METTL22: variants seen among roughly 807,000 people sequenced by gnomAD.
The protein encoded by METTL22 is methyltransferase-like protein 22.
A neutral mutation model predicts 48.4 loss-of-function variants in METTL22; 51 were observed. That is an observed-to-expected ratio of 1.05 (90% CI 0.84 to 1.33). The LOEUF is 1.33. Among genes scored for constraint, METTL22 ranks in the 40% most tolerant of loss-of-function variants. The pLI, the probability that METTL22 is intolerant of heterozygous loss-of-function variation, is 0.00. For missense variants in METTL22, 678 were observed against 526.9 expected (o/e 1.29, Z -2.81); for synonymous variants, 255 against 214.1 (o/e 1.19, Z -1.67).
chr16:8,653,151 G>A (rs750360058), downstream of METTL22, among the ~76,000 whole-genome samples: 1 of 152,238 alleles, frequency 6.6e-6, no homozygotes, highest in Non-Finnish European at 1.5e-5. Context: ...TTACATGGCA[G>A]TGTGGTACAG....
At chr16:8,624,219 A>T (rs2055961497) in intron 1 of METTL22, 1 of 152,104 alleles carries the variant, frequency 6.6e-6, no homozygotes, top group Non-Finnish European at 1.5e-5. Flanking sequence ...GGTTGGAGGG[A>T]GGTCCCACCT....
At chr16:8,630,846 G>T (rs542820024) in intron 3 of METTL22, among the ~76,000 whole-genome samples, 1 of 152,200 alleles carries the variant, frequency 6.6e-6, no homozygotes, top group African/African-American at 2.4e-5. Context: ...GGTAGCTAAT[G>T]CATGAACCTA....
the METTL22 span, among the ~76,000 whole-genome samples, chr16:8,663,162 C>T: frequency 1.4e-5 from 2 of 146,542 alleles, no homozygotes; most frequent in African/African-American, 2.5e-5. Context: ...GCCAAGATTG[C>T]ACCACTGCAC....
At chr16:8,651,852 C>T (rs763340269), downstream of METTL22, among the ~76,000 whole-genome samples, 4 of 151,914 alleles carry the variant, frequency 2.6e-5, no homozygotes, top group Admixed American at 6.6e-5. Flanking sequence ...CATCACACAC[C>T]GGGGCCTTTT....
chr16:8,632,653 C>G (rs544562041), intron 3 of METTL22, among the ~76,000 whole-genome samples: 1 of 152,342 alleles, frequency 6.6e-6, no homozygotes, highest in South Asian at 2.1e-4. Context: ...TCTGCCGAGC[C>G]TGTGCTCTCT....
chr16:8,629,258 C>A, intron 3 of METTL22, 148 bp downstream of exon 3: 1 of 1,030,954 alleles, frequency 9.7e-7, no homozygotes, highest in South Asian at 1.5e-5. Context: ...GGGAAGCTCT[C>A]CACAACCCCG....
chr16:8,645,570 G>T (rs537963042), intron 10 of METTL22, among the ~76,000 whole-genome samples: 1 of 152,064 alleles, frequency 6.6e-6, no homozygotes, highest in Admixed American at 6.5e-5. Flanking sequence ...GAAGCTAGGA[G>T]TTCGAGACCA....
chr16:8,624,551 A>C (rs192832776), intron 1 of METTL22, among the ~76,000 whole-genome samples: 2 of 151,072 alleles, frequency 1.3e-5, no homozygotes, highest in South Asian at 2.1e-4. Context: ...GCCTAATTCC[A>C]CTCATCTTTT....
chr16:8,631,955 G>C (rs2056277532), intron 3 of METTL22: 1 of 152,258 alleles, frequency 6.6e-6, no homozygotes, highest in Non-Finnish European at 1.5e-5. Flanking sequence ...ACCGCGCCCG[G>C]CCCAGGGCTG....
intron 2 of METTL22, among the ~76,000 whole-genome samples, chr16:8,626,515 C>T (rs1200464047): frequency 6.7e-6 from 1 of 150,366 alleles, no homozygotes; most frequent in Non-Finnish European, 1.5e-5. Context: ...GTGGCGCGAC[C>T]TCGGCTCACT....
chr16:8,637,540 C>T (rs2056459974), intron 5 of METTL22, among the ~76,000 whole-genome samples: 1 of 152,354 alleles, frequency 6.6e-6, no homozygotes, highest in Admixed American at 6.5e-5. Flanking sequence ...CTGGGCAGAG[C>T]CCAGGGTTCC....
Position 8,628,956 on chromosome 16 carries a change from G to T in METTL22, c.360G>T (p.Gly120=), listed in dbSNP as rs977664626. Residue 120 remains glycine, a synonymous_variant, in exon 3 of 11, where the codon GGG becomes GGT. Transcript: ENST00000381920. ...CTGAAGCTCAGCTGGATGAGGATGG[G>T]GATTTGGACGTGGTGAGAAGACCAC... is the stretch of plus-strand genomic sequence containing the variant. The part of the protein sequence containing the change: ...EVAEAQLDED[G]DLDVVRRPRA... 6.2e-7 allele frequency: 1 copy of T among 1,614,024 alleles called. No individual in the cohort carries two copies. The highest frequency in any genetic ancestry group is 8.5e-7 in the Non-Finnish European group (1 of 1,180,054).
intron 7 of METTL22, 124 bp from the exon 8 acceptor site, chr16:8,642,003 C>A (rs1406711150): frequency 1.5e-5 from 11 of 738,076 alleles, no homozygotes; most frequent in Non-Finnish European, 2.2e-5. Flanking sequence ...CTGGTGGTGC[C>A]CACTGCACCG....
the METTL22 span, among the ~76,000 whole-genome samples, chr16:8,661,163 G>T: frequency 5.3e-5 from 8 of 151,988 alleles, no homozygotes; most frequent in African/African-American, 1.9e-4. Context: ...TGAATCCAGG[G>T]CCAGACGTGC....
At chr16:8,654,816 C>T in the METTL22 span, among the ~76,000 whole-genome samples, 1 of 152,134 alleles carries the variant, frequency 6.6e-6, no homozygotes, top group Admixed American at 6.5e-5. Context: ...TGTCTGGTTC[C>T]CCAGTGGGAA....
chr16:8,634,997 C>A, intron 3 of METTL22, 42 bp from the exon 4 acceptor site: 1 of 1,612,376 alleles, frequency 6.2e-7, no homozygotes, highest in Non-Finnish European at 8.5e-7. Flanking sequence ...TGTCCATCCC[C>A]ATTTCACAGT....
the METTL22 span, among the ~76,000 whole-genome samples, chr16:8,661,396 C>T: frequency 6.6e-6 from 1 of 151,280 alleles, no homozygotes; most frequent in African/African-American, 2.4e-5. Flanking sequence ...CCTGTAATCC[C>T]AGCACTTTGG....
At chr16:8,650,157 C>T (rs917105445), downstream of METTL22, among the ~76,000 whole-genome samples, 12 of 152,168 alleles carry the variant, frequency 7.9e-5, no homozygotes, top group Non-Finnish European at 1.6e-4. Context: ...GAGACCCTAT[C>T]TCTAAAAAAC....
chr16:8,656,343 C>A, the METTL22 span, among the ~76,000 whole-genome samples: 1 of 152,214 alleles, frequency 6.6e-6, no homozygotes, highest in Non-Finnish European at 1.5e-5. Context: ...CCTCCACCCC[C>A]ACTTCCTAAA....
Sources: gnomAD v4.1 joint callset for allele counts (sites outside exome capture counted in the v4.1 genomes callset) on GRCh38, gnomAD v4.1.1 for gene constraint, MANE v1.5 for transcripts, NCBI Gene and HGNC (gene_info 2026-07-23, HGNC 2026-07-21) for gene names.